The following CHD9 variants were observed in gnomAD, a reference collection of about 807,000 sequenced individuals.
CHD9 encodes ATP-dependent chromatin remodeler CHD9.
Under a neutral mutation model 316.1 loss-of-function variants are expected in CHD9, and 77 were observed. That is an observed-to-expected ratio of 0.24 (90% CI 0.20 to 0.29). The LOEUF (loss-of-function observed/expected upper bound fraction) is 0.29, where lower values mean the gene tolerates loss of function less well. Ranked by LOEUF, CHD9 falls within the 10% of genes least tolerant of loss-of-function variation. The probability of loss-of-function intolerance (pLI) is 1.00; values close to 1 mark genes in which losing one functional copy is unlikely to be tolerated. For missense variants in CHD9, 2,763 were observed against 3,438.1 expected, an observed-to-expected ratio of 0.80 and a Z score of 4.91; for synonymous variants, 1,129 against 1,158.3, an observed-to-expected ratio of 0.97 and a Z score of 0.51.
chr16:53,256,381 CTTTTTTTTTTT>C (rs1163977563), intron 19 of CHD9, among the ~76,000 whole-genome samples: 4 of 99,260 alleles, frequency 4.0e-5, no homozygotes, highest in Non-Finnish European at 8.0e-5. Context: ...TTTTTCTTTT[CTTTTTTTTTTT>C]TTTTTTTTTT....
intron 19 of CHD9, among the ~76,000 whole-genome samples, chr16:53,260,768 GC>G (rs1214003199): frequency 6.6e-6 from 1 of 152,006 alleles, no homozygotes; most frequent in Non-Finnish European, 1.5e-5. Flanking sequence ...TTGGCTTGCG[GC>G]CACAGTACTC....
intron 2 of CHD9, among the ~76,000 whole-genome samples, chr16:53,171,405 C>T (rs1004606170): frequency 6.6e-5 from 10 of 151,946 alleles, no homozygotes; most frequent in Admixed American, 2.6e-4. Context: ...GGCAACAGAG[C>T]GAGACTCCGT....
chr16:53,206,799 TTCTC>T (rs934011131), intron 2 of CHD9, among the ~76,000 whole-genome samples: 4 of 152,242 alleles, frequency 2.6e-5, no homozygotes, highest in African/African-American at 4.8e-5. Context: ...ATCAGAGTAT[TTCTC>T]TCATTAGCCA....
At chr16:53,158,515 C>T (rs1346819556) in intron 2 of CHD9, among the ~76,000 whole-genome samples, 5 of 152,102 alleles carry the variant, frequency 3.3e-5, no homozygotes, top group Non-Finnish European at 5.9e-5. Flanking sequence ...AGATAATTTC[C>T]GTGCGTCTCT....
chr16:53,157,803 A>G (rs1468075643), intron 2 of CHD9, among the ~76,000 whole-genome samples: 3 of 152,210 alleles, frequency 2.0e-5, no homozygotes, highest in African/African-American at 7.2e-5. Flanking sequence ...GTTTATGAAT[A>G]CCTTTGAGAG....
chr16:53,114,081 T>G (rs1308043635), intron 1 of CHD9, among the ~76,000 whole-genome samples: 1 of 151,340 alleles, frequency 6.6e-6, no homozygotes, highest in Non-Finnish European at 1.5e-5. Flanking sequence ...CTACTGTTTT[T>G]TCTTTAAAAA....
intron 12 of CHD9, 110 bp downstream of exon 12, chr16:53,238,696 A>T (rs1002059246): frequency 3.3e-5 from 36 of 1,088,548 alleles, no homozygotes; most frequent in Admixed American, 6.9e-5. Flanking sequence ...GCCTACCTAG[A>T]TCTTAGTTTA....
intron 1 of CHD9, among the ~76,000 whole-genome samples, chr16:53,084,520 G>A (rs1307271157): frequency 2.6e-5 from 4 of 152,202 alleles, no homozygotes; most frequent in African/African-American, 9.6e-5. Flanking sequence ...CAAGGCGGGT[G>A]GATCATGAGG....
chr16:53,125,348 C>T (rs553595862), intron 1 of CHD9, among the ~76,000 whole-genome samples: 3 of 151,706 alleles, frequency 2.0e-5, no homozygotes, highest in Non-Finnish European at 4.4e-5. Context: ...CTCAGCCTCC[C>T]GAGTAGCTGG....
In CHD9 at chr16:53,157,281, A is replaced by G. The variant is rs1409198849; in HGVS notation, c.1192A>G (p.Thr398Ala). The G allele has an allele frequency of 6.2e-7, 1 of 1,609,140 alleles. No homozygotes were observed. Among genetic ancestry groups the G allele is most frequent in the Middle Eastern group, 1.7e-4 (1 of 6,058 alleles). Residue 398 changes from threonine to alanine, a missense_variant, in exon 2 of 39, where the codon ACT becomes GCT. By Grantham distance (58) the Thr-to-Ala change is moderately conservative. Transcript: ENST00000447540. ...TTTACTTCATCAAGTGGAATCTCAAACTGAGCCATTCACAGGACTTGACCC... is the reference window on the plus strand; with the variant it reads ...TTTACTTCATCAAGTGGAATCTCAAGCTGAGCCATTCACAGGACTTGACCC... Reference protein sequence around the residue: ...ENLLHQVESQTEPFTGLDPED... With the variant: ...ENLLHQVESQAEPFTGLDPED...
chr16:53,241,466 G>GCC (rs1389627783), intron 12 of CHD9, among the ~76,000 whole-genome samples: 3 of 152,172 alleles, frequency 2.0e-5, no homozygotes, highest in Non-Finnish European at 4.4e-5. Flanking sequence ...GTATCACCAA[G>GCC]TGTAAACTCT....
At chr16:53,287,843 G>A in intron 26 of CHD9, 114 bp from the exon 27 acceptor site, 1 of 803,918 alleles carries the variant, frequency 1.2e-6, no homozygotes. Context: ...GGCTAGAGAA[G>A]AGACGTCAGT....
chr16:53,280,585 G>T (rs2053314920), intron 24 of CHD9, among the ~76,000 whole-genome samples: 1 of 151,890 alleles, frequency 6.6e-6, no homozygotes, highest in South Asian at 2.1e-4. Flanking sequence ...TACTGCTCGG[G>T]AGATGGGTGC....
intron 27 of CHD9, 90 bp from the exon 28 acceptor site, chr16:53,291,631 GCTCT>G (rs2054345770): frequency 3.8e-6 from 3 of 780,964 alleles, no homozygotes; most frequent in Non-Finnish European, 6.1e-6. Context: ...GGGGAGAAAA[GCTCT>G]CTGTTATAAA....
chr16:53,291,824 C>A, intron 28 of CHD9, 57 bp downstream of exon 28: 2 of 1,057,896 alleles, frequency 1.9e-6, no homozygotes, highest in Admixed American at 2.8e-5. Flanking sequence ...TCTAATCATA[C>A]CATGAGATCA....
chr16:53,198,109 C>T (rs1447760610), intron 2 of CHD9, among the ~76,000 whole-genome samples: 2 of 151,976 alleles, frequency 1.3e-5, no homozygotes, highest in Non-Finnish European at 2.9e-5. Context: ...ATCTTTAGAG[C>T]CTTCCAAAAG....
intron 38 of CHD9, among the ~76,000 whole-genome samples, chr16:53,323,640 A>T (rs569094567): frequency 6.6e-6 from 1 of 152,214 alleles, no homozygotes. Context: ...GTTCTTCCCA[A>T]TTAGAAGGGA....
chr16:53,264,837 A>G (rs1299734033), intron 20 of CHD9, among the ~76,000 whole-genome samples: 2 of 152,186 alleles, frequency 1.3e-5, no homozygotes, highest in Non-Finnish European at 2.9e-5. Flanking sequence ...AGTGTATTCT[A>G]GAAGCAGAAA....
chr16:53,277,694 C>T (rs2153024301), intron 24 of CHD9, among the ~76,000 whole-genome samples: 1 of 152,180 alleles, frequency 6.6e-6, no homozygotes, highest in South Asian at 2.1e-4. Flanking sequence ...CCTCTGAAAA[C>T]TGGAACTAGA....
Sources: allele counts gnomAD v4.1 joint callset (sites outside exome capture counted in the v4.1 genomes callset), GRCh38; gene constraint gnomAD v4.1.1; transcripts MANE v1.5; gene names NCBI Gene and HGNC (gene_info 2026-07-23, HGNC 2026-07-21).